The following MAGI3 variants were observed in gnomAD, a reference collection of about 807,000 sequenced individuals.
MAGI3 encodes membrane associated guanylate kinase, WW and PDZ domain containing 3, also known as membrane-associated guanylate kinase, WW and PDZ domain-containing protein 3.
MAGI3 carries 43 observed loss-of-function variants against 121.8 expected under a neutral mutation model. The ratio of observed to expected loss-of-function variants is 0.35; its 90% confidence interval spans 0.28 to 0.46. The LOEUF is 0.46. Among genes scored for constraint, MAGI3 ranks in the 20% least tolerant of loss-of-function variants. The pLI is 1.00. For missense variants in MAGI3, 1,547 were observed against 1,797.3 expected (o/e 0.86, Z 2.52); for synonymous variants, 553 against 639.3 (o/e 0.86, Z 2.04).
chr1:113,679,331 A>G (rs761260379), intron 19 of MAGI3, among the ~76,000 whole-genome samples: 9 of 151,924 alleles, frequency 5.9e-5, no homozygotes, highest in Admixed American at 1.3e-4. Flanking sequence ...TTAGCTCCCA[A>G]TTACAATTGA....
intron 1 of MAGI3, among the ~76,000 whole-genome samples, chr1:113,440,670 G>A (rs1653866949): frequency 6.6e-6 from 1 of 152,190 alleles, no homozygotes; most frequent in Non-Finnish European, 1.5e-5. Flanking sequence ...TACTAGGGAT[G>A]AGCACATTGC....
intron 1 of MAGI3, among the ~76,000 whole-genome samples, chr1:113,534,798 T>C (rs1010099918): frequency 6.6e-6 from 1 of 152,196 alleles, no homozygotes; most frequent in Non-Finnish European, 1.5e-5. Flanking sequence ...ACCTCTATCA[T>C]GTGATTTTTT....
chr1:113,564,023 C>T (rs1425256294), intron 2 of MAGI3, among the ~76,000 whole-genome samples: 2 of 152,118 alleles, frequency 1.3e-5, no homozygotes, highest in South Asian at 2.1e-4. Context: ...TTAGAGTCCT[C>T]GTTTATTCCT....
rs573030836 is a variant in MAGI3 at position 113,594,915 on chromosome 1, G to A, written c.1018+355G>A. On this transcript the variant is annotated intron_variant, in intron 6 of 20. Coordinates refer to ENST00000307546, the MANE Select transcript of MAGI3 (RefSeq NM_001142782.2). ...ATAAGCTAGGTCTATCATGTCTTAT[G>A]AAGTTTTTAAAGTATATTTAATTTA... Among the ~76,000 whole-genome samples the A allele has an allele frequency of 7.2e-5, 11 of 152,236 alleles. No individual in the cohort carries two copies. The South Asian group carries it at 2.3e-3, about 32-fold the overall frequency.
chr1:113,602,516 G>T (rs1440926911), intron 6 of MAGI3, among the ~76,000 whole-genome samples: 2 of 152,170 alleles, frequency 1.3e-5, no homozygotes, highest in African/African-American at 2.4e-5. Context: ...AAGTCTGAAA[G>T]ATCACAAATT....
rs777879096 is a variant in MAGI3 at position 113,683,793 on chromosome 1, A to G, written c.4225A>G (p.Lys1409Glu). Residue 1409 changes from lysine (K) to glutamate (E), a missense_variant, in exon 21 of 21, where the codon AAG becomes GAG. Transcript: ENST00000307546. Reference protein sequence around the residue: ...KIGENVQLSEKRLKQEPEEKV... With the variant: ...KIGENVQLSEERLKQEPEEKV... Reference sequence around the variant, plus strand: ...AGGAGAAAATGTCCAGCTATCAGAAAAGAGGCTGAAGCAAGAACCTGAAGA... The same window carrying G: ...AGGAGAAAATGTCCAGCTATCAGAAGAGAGGCTGAAGCAAGAACCTGAAGA... 1 of 1,608,364 alleles carries G rather than the reference A, an allele frequency of 6.2e-7. No individual in the cohort carries two copies.
chr1:113,681,071 G>A (rs1465291478), intron 19 of MAGI3, 127 bp from the exon 20 acceptor site: 1 of 1,026,814 alleles, frequency 9.7e-7, no homozygotes, highest in African/African-American at 1.6e-5. Flanking sequence ...GCAGTACTGG[G>A]TACACGTTAG....
intron 1 of MAGI3, among the ~76,000 whole-genome samples, chr1:113,426,818 A>T (rs910606962): frequency 7.2e-5 from 11 of 152,038 alleles, no homozygotes; most frequent in Non-Finnish European, 1.6e-4. Context: ...TAGTTTGTTC[A>T]TCTTTTTTGT....
chr1:113,414,471 C>T (rs1448065186), intron 1 of MAGI3, among the ~76,000 whole-genome samples: 2 of 152,072 alleles, frequency 1.3e-5, no homozygotes, highest in Non-Finnish European at 2.9e-5. Context: ...CCTCTTTGTA[C>T]CTCTGTTAGA....
chr1:113,487,165 C>T lies in MAGI3; in HGVS notation c.317-62350C>T, dbSNP rs145634047. 3.1e-3 allele frequency among the ~76,000 whole-genome samples: 472 copies of T among 152,204 alleles called. 1 individual carries two copies. Among genetic ancestry groups the T allele is most frequent in the African/African-American group, 0.011 (449 of 41,528 alleles). ...CTAGGAAATGTGGATAATCCTTGATCACCAAGAATTCAAGGGAATTAAGAA... is the reference window on the plus strand; with the variant it reads ...CTAGGAAATGTGGATAATCCTTGATTACCAAGAATTCAAGGGAATTAAGAA... On this transcript the variant is annotated intron_variant, in intron 1 of 20. Coordinates refer to ENST00000307546, the MANE Select transcript of MAGI3 (RefSeq NM_001142782.2).
chr1:113,587,151 T>G (rs767777141), intron 4 of MAGI3, among the ~76,000 whole-genome samples: 1 of 152,120 alleles, frequency 6.6e-6, no homozygotes, highest in East Asian at 1.9e-4. Context: ...CTAATCAAAG[T>G]TGGGGAAATA....
Position 113,391,399 on chromosome 1 carries a change from A to C in MAGI3, c.316+50A>C. The C allele has an allele frequency of 1.3e-6, 2 of 1,546,258 alleles. No homozygotes were observed. Among genetic ancestry groups the C allele is most frequent in the African/African-American group, 2.7e-5 (2 of 72,800 alleles). ...TCGGGGTGTTGGGGAGAGGGGCTTC[A>C]GGGTGGGCGTCCTGGGAGCGGCGGC... On this transcript the variant is annotated intron_variant, in intron 1 of 20. Transcript: ENST00000307546. The surrounding 1 kb of genome is among the most constrained non-coding windows in gnomAD (Gnocchi z 4.4).
chr1:113,556,860 C>A (rs1256887635), intron 2 of MAGI3, among the ~76,000 whole-genome samples: 10 of 152,082 alleles, frequency 6.6e-5, no homozygotes, highest in Non-Finnish European at 1.5e-4. Flanking sequence ...GGCCCCACAC[C>A]CGGCCTAATA....
chr1:113,564,400 G>A (rs1298469115), intron 2 of MAGI3, among the ~76,000 whole-genome samples: 2 of 152,188 alleles, frequency 1.3e-5, no homozygotes, highest in African/African-American at 4.8e-5. Context: ...TTATGGCTAC[G>A]AACACTGTAG....
intron 9 of MAGI3, among the ~76,000 whole-genome samples, chr1:113,640,952 A>C (rs2636001): frequency 0.71 from 82,191 of 115,856 alleles, 29,142 homozygotes; most frequent in African/African-American, 0.8. Context: ...AAATATATAT[A>C]ATATTAAATA....
chr1:113,608,202 A>G (rs1157120834), intron 6 of MAGI3, among the ~76,000 whole-genome samples: 3 of 150,404 alleles, frequency 2.0e-5, no homozygotes, highest in South Asian at 2.3e-4. Context: ...AGAGACTTCA[A>G]TGTTTGAAAA....
intron 2 of MAGI3, among the ~76,000 whole-genome samples, chr1:113,549,923 C>A (rs1054675430): frequency 2.0e-5 from 3 of 151,004 alleles, no homozygotes; most frequent in Non-Finnish European, 4.4e-5. Flanking sequence ...CAAGACCAGC[C>A]TGGCCAACAT....
chr1:113,392,905 A>G (rs905170913), intron 1 of MAGI3, among the ~76,000 whole-genome samples: 16 of 152,214 alleles, frequency 1.1e-4, no homozygotes, highest in African/African-American at 3.9e-4. Context: ...TAGCTGCCAA[A>G]TCTTAGTTCA....
At chr1:113,493,437 C>T (rs1170026362) in intron 1 of MAGI3, among the ~76,000 whole-genome samples, 2 of 152,128 alleles carry the variant, frequency 1.3e-5, no homozygotes, top group African/African-American at 2.4e-5. Flanking sequence ...TGGAAGACAA[C>T]GTAGGCAATA....
Sources: allele counts gnomAD v4.1 joint callset (sites outside exome capture counted in the v4.1 genomes callset), GRCh38; gene constraint gnomAD v4.1.1; non-coding constraint Gnocchi (gnomAD v3.1); transcripts MANE v1.5; gene names NCBI Gene and HGNC (gene_info 2026-07-23, HGNC 2026-07-21).